Variants in RIMKLA observed in about 807,000 individuals in gnomAD.
The protein encoded by RIMKLA is N-acetylaspartylglutamate synthase A.
A neutral mutation model predicts 32.7 loss-of-function variants in RIMKLA; 14 were observed. The ratio of observed to expected loss-of-function variants is 0.43; its 90% CI spans 0.28 to 0.67. The LOEUF (loss-of-function observed/expected upper bound fraction) is 0.67, where lower values mean the gene tolerates loss of function less well. RIMKLA is among the 30% of genes least tolerant of loss of function. The pLI is 0.18. For missense variants in RIMKLA, 410 were observed against 519.0 expected (o/e 0.79, Z 2.04); for synonymous variants, 176 against 204.1 (o/e 0.86, Z 1.18).
chr1:42,387,274 T>C lies in RIMKLA; in HGVS notation c.163+6177T>C, dbSNP rs28373564. On this transcript the variant is annotated intron_variant, in intron 1 of 4. Transcript: ENST00000431473. ...TTTATTTATTCCAAAAAATAAAAAA[T>C]AAAAAATAGCCAGTCATGGTGGAAT... 2.1e-3 allele frequency among the ~76,000 whole-genome samples: 324 copies of C among 151,772 alleles called. 3 individuals are homozygous for C. The Middle Eastern group carries it at 0.027, about 13-fold the overall frequency.
At chr1:42,385,779 G>C (rs7544323) in intron 1 of RIMKLA, among the ~76,000 whole-genome samples, 2,174 of 94,858 alleles carry the variant, frequency 0.023, 67 homozygotes, top group Non-Finnish European at 0.034. Context: ...TTGTTTCTTT[G>C]TTTGTTTGTT....
chr1:42,421,617 G>A lies in RIMKLA; in HGVS notation c.*6643G>A, dbSNP rs148745011. ...TTCTGCAGAGCTGATAACGGTCACTGTGGAGGCAGGACTAGGCGGGTGCCT... is the reference window on the plus strand; with the variant it reads ...TTCTGCAGAGCTGATAACGGTCACTATGGAGGCAGGACTAGGCGGGTGCCT... On this transcript the variant is annotated 3_prime_UTR_variant, in exon 5 of 5. Transcript: ENST00000431473. The surrounding 1 kb of genome is among the most constrained non-coding windows in gnomAD (Gnocchi z 4.6). 1 of 152,436 alleles carries A rather than the reference G, an allele frequency of 6.6e-6. No individual in the cohort carries two copies. The highest frequency in any genetic ancestry group is 1.5e-5 in the Non-Finnish European group (1 of 68,150). The allele number at this position is 152,436 out of a possible 1,614,324, so 9.4% of individuals were successfully genotyped here.
At chr1:42,398,056 G>T (rs894699337) in intron 1 of RIMKLA, among the ~76,000 whole-genome samples, 5 of 152,080 alleles carry the variant, frequency 3.3e-5, no homozygotes, top group Admixed American at 2.0e-4. Flanking sequence ...TATCCATTTT[G>T]TTGAGCCCAA....
chr1:42,422,565 T>C lies in RIMKLA; in HGVS notation c.*7591T>C, dbSNP rs903504116. 4 of 152,194 alleles carry C rather than the reference T, an allele frequency of 2.6e-5. No homozygotes were observed. In the East Asian group the frequency reaches 7.7e-4, roughly 29 times the overall value. 9.4% of individuals were successfully genotyped at this position (152,194 alleles called of 1,614,324 possible). On this transcript the variant is annotated 3_prime_UTR_variant, in exon 5 of 5. Coordinates refer to ENST00000431473, the MANE Select transcript of RIMKLA (RefSeq NM_173642.4). Reference sequence around the variant, plus strand: ...TTGCTGTTTTTGCTTTTTATTAAAATTATTACTATGGAACAGAATGCTTTG... The same window carrying C: ...TTGCTGTTTTTGCTTTTTATTAAAACTATTACTATGGAACAGAATGCTTTG...
At chr1:42,384,114 C>G (rs1283959516) in intron 1 of RIMKLA, among the ~76,000 whole-genome samples, 1 of 152,156 alleles carries the variant, frequency 6.6e-6, no homozygotes, top group Non-Finnish European at 1.5e-5. Context: ...GCTTTTCTCC[C>G]TGGAGGCTAG....
chr1:42,394,073 G>C (rs931952554), intron 1 of RIMKLA, among the ~76,000 whole-genome samples: 7 of 152,174 alleles, frequency 4.6e-5, no homozygotes, highest in African/African-American at 1.7e-4. Context: ...GCGTGAGCCA[G>C]TATGCCTGGC....
chr1:42,405,700 G>A (rs769187980), intron 3 of RIMKLA, among the ~76,000 whole-genome samples: 20 of 152,166 alleles, frequency 1.3e-4, no homozygotes, highest in Non-Finnish European at 2.8e-4. Flanking sequence ...ATCTCGAGGC[G>A]CTCAAATGTG....
At position 42,416,911 on chromosome 1, in the gene RIMKLA, A is replaced by G. The variant is rs1202671781; in HGVS notation, c.*1937A>G. The G allele has an allele frequency of 3.3e-5, 5 of 152,360 alleles. No homozygotes were observed. The East Asian group carries it at 7.7e-4, about 24-fold the overall frequency. 9.4% of individuals were successfully genotyped at this position (152,360 alleles called of 1,614,324 possible). On this transcript the variant is annotated 3_prime_UTR_variant, in exon 5 of 5. Coordinates refer to ENST00000431473, the MANE Select transcript of RIMKLA (RefSeq NM_173642.4). ...TTAAATGCAGTCCAACATAAGGTGC[A>G]TGCCACTGAACTGTAACCCTAGTAA... is the stretch of plus-strand genomic sequence containing the variant.
At chr1:42,401,615 T>G (rs1035209391) in intron 2 of RIMKLA, among the ~76,000 whole-genome samples, 7 of 152,040 alleles carry the variant, frequency 4.6e-5, no homozygotes, top group African/African-American at 1.7e-4. Flanking sequence ...TTGTCAACAT[T>G]GATGTGTGTG....
At chr1:42,405,346 T>C (rs1018639258) in intron 3 of RIMKLA, among the ~76,000 whole-genome samples, 7 of 152,216 alleles carry the variant, frequency 4.6e-5, no homozygotes, top group Non-Finnish European at 8.8e-5. Flanking sequence ...TTTACTAGAC[T>C]GCGAGCTGCT....
At position 42,423,413 on chromosome 1, in the gene RIMKLA, C is replaced by T. The variant is rs1643310930; in HGVS notation, c.*8439C>T. 6.6e-6 allele frequency among the ~76,000 whole-genome samples: 1 copy of T among 152,126 alleles called. No individual in the cohort carries two copies. The highest frequency in any genetic ancestry group is 2.4e-5 in the African/African-American group (1 of 41,428). ...ACATATAAAAAGATTAGCAGTAATC[C>T]CTTGATACCATCTAATTCCCAGTCC... On this transcript the variant is annotated 3_prime_UTR_variant, in exon 5 of 5. Coordinates refer to ENST00000431473, the MANE Select transcript of RIMKLA (RefSeq NM_173642.4).
chr1:42,386,613 C>A (rs956940271), intron 1 of RIMKLA, among the ~76,000 whole-genome samples: 1 of 150,552 alleles, frequency 6.6e-6, no homozygotes, highest in Non-Finnish European at 1.5e-5. Context: ...CTGTGGCAGG[C>A]GCTTGTAATC....
chr1:42,410,212 T>C, intron 4 of RIMKLA, 25 bp downstream of exon 4: 2 of 1,603,828 alleles, frequency 1.2e-6, no homozygotes, highest in Non-Finnish European at 1.7e-6. Flanking sequence ...CACAGGGTTT[T>C]ATTAGGGTAT....
At chr1:42,385,056 C>G (rs1642924824) in intron 1 of RIMKLA, among the ~76,000 whole-genome samples, 1 of 152,210 alleles carries the variant, frequency 6.6e-6, no homozygotes, top group Admixed American at 6.5e-5. Flanking sequence ...TAGCACTCAT[C>G]ATATTTTGCT....
intron 1 of RIMKLA, among the ~76,000 whole-genome samples, chr1:42,391,382 A>G (rs1429405833): frequency 6.6e-6 from 1 of 152,076 alleles, no homozygotes; most frequent in Non-Finnish European, 1.5e-5. Flanking sequence ...TTCAGGCTGG[A>G]TATTTTAGGG....
chr1:42,404,054 A>G (rs1235974676), intron 2 of RIMKLA, among the ~76,000 whole-genome samples: 1 of 151,284 alleles, frequency 6.6e-6, no homozygotes, highest in Non-Finnish European at 1.5e-5. Context: ...TTTTTTAGAG[A>G]CTCATCTGAT....
In RIMKLA at chr1:42,420,820, T is replaced by C. The variant is rs1643289316; in HGVS notation, c.*5846T>C. On this transcript the variant is annotated 3_prime_UTR_variant, in exon 5 of 5. Transcript: ENST00000431473. Reference sequence around the variant, plus strand: ...GTTCAAATCCAGGTAACTTAAAGCTTGTGTGACCCAGGGACACTTTACTTC... The same window carrying C: ...GTTCAAATCCAGGTAACTTAAAGCTCGTGTGACCCAGGGACACTTTACTTC... 1 of 152,282 alleles carries C rather than the reference T, an allele frequency of 6.6e-6. No homozygotes were observed. Among genetic ancestry groups the C allele is most frequent in the Non-Finnish European group, 1.5e-5 (1 of 68,056 alleles). The allele number at this position is 152,282 out of a possible 1,614,324, so 9.4% of individuals were successfully genotyped here.
chr1:42,406,925 CTT>C (rs571576114), intron 3 of RIMKLA, among the ~76,000 whole-genome samples: 3 of 142,988 alleles, frequency 2.1e-5, no homozygotes, highest in Non-Finnish European at 3.1e-5. Context: ...AATGTAGATT[CTT>C]TTTTTTTTTT....
At chr1:42,400,346 A>G (rs1276838373) in intron 2 of RIMKLA, among the ~76,000 whole-genome samples, 1 of 152,194 alleles carries the variant, frequency 6.6e-6, no homozygotes, top group African/African-American at 2.4e-5. Flanking sequence ...ACCTGATAAG[A>G]GTTATAGTTC....
Sources: gnomAD v4.1 joint callset for allele counts (sites outside exome capture counted in the v4.1 genomes callset) on GRCh38, gnomAD v4.1.1 for gene constraint, Gnocchi (gnomAD v3.1) non-coding constraint, MANE v1.5 for transcripts, NCBI Gene and HGNC (gene_info 2026-07-23, HGNC 2026-07-21) for gene names.